The following DNAH1 variants were observed in gnomAD, a reference collection of about 807,000 sequenced individuals.
The protein encoded by DNAH1 is dynein axonemal heavy chain 1.
In DNAH1, 327 loss-of-function variants were observed where a neutral mutation model predicts 484.3. The observed-to-expected ratio is 0.68, with a 90% CI of 0.62 to 0.74. The LOEUF (loss-of-function observed/expected upper bound fraction) is 0.74, where lower values mean the gene tolerates loss of function less well. Ranked by LOEUF, DNAH1 falls within the 30% of genes least tolerant of loss-of-function variation. DNAH1 has a pLI of 0.00. For synonymous variants in DNAH1, 2,192 were observed against 2,191.9 expected (o/e 1.00, Z 0.00); for missense variants, 5,052 against 5,546.8 (o/e 0.91, Z 2.83).
chr3:52,366,433 T>C (rs759026898), intron 34 of DNAH1, 24 bp from the exon 35 acceptor site: 2 of 1,568,106 alleles, frequency 1.3e-6, no homozygotes, highest in East Asian at 2.4e-5. Flanking sequence ...CTCTGACCCT[T>C]GGGCCCCATG....
rs941364104 is a variant in DNAH1, at chr3:52,322,393, T to C, written c.-34-16T>C. ...GAGGCTGGCAAGGGCTGACTGACGC[T>C]GGGTTCTTCTCCTAGGAGCTTCGGC... On this transcript the variant is annotated splice_polypyrimidine_tract_variant and intron_variant, in intron 1 of 77. Transcript: ENST00000420323. 12 of 1,554,010 alleles carry C rather than the reference T, an allele frequency of 7.7e-6. No individual in the cohort carries two copies. Among genetic ancestry groups the C allele is most frequent in the Non-Finnish European group, 1.0e-5 (12 of 1,153,200 alleles).
chr3:52,365,837 C>T (rs1253603338), intron 34 of DNAH1, among the ~76,000 whole-genome samples: 1 of 152,212 alleles, frequency 6.6e-6, no homozygotes, highest in Non-Finnish European at 1.5e-5. Context: ...ACCTCCTGCA[C>T]CCCCGACCCT....
Position 52,396,881 on chromosome 3 carries a change from C to T in DNAH1, c.11624C>T (p.Thr3875Met), listed in dbSNP as rs754430692. The T allele has an allele frequency of 3.7e-6, 6 of 1,601,306 alleles. No homozygotes were observed. The highest frequency in any genetic ancestry group is 5.1e-6 in the Non-Finnish European group (6 of 1,171,958). Residue 3875 changes from threonine to methionine, a missense_variant, in exon 73 of 78, where the codon ACG (threonine) becomes ATG (methionine). By Grantham distance (81) the Thr-to-Met change is moderately conservative (BLOSUM62 -1). Transcript: ENST00000420323. ...DDIPYKVLKYTAGEINYGGRV... is the reference protein window; with the variant it reads ...DDIPYKVLKYMAGEINYGGRV... ...CCCACCCCATAGGTCCTCAAGTACA[C>T]GGCAGGGGAGATCAATTACGGGGGC...
intron 77 of DNAH1, 112 bp from the exon 78 acceptor site, chr3:52,400,213 C>T (rs1704848139): frequency 6.8e-7 from 1 of 1,461,484 alleles, no homozygotes; most frequent in Non-Finnish European, 9.4e-7. Flanking sequence ...CCTCTTGGGT[C>T]AGGGCCCCCT....
upstream of DNAH1, among the ~76,000 whole-genome samples, chr3:52,312,320 G>T (rs1700800589): frequency 1.3e-5 from 2 of 151,998 alleles, no homozygotes; most frequent in Admixed American, 6.6e-5. Context: ...GGGTATCTTG[G>T]GTCATATTTT....
Position 52,381,932 on chromosome 3 carries a change from C to A in DNAH1, c.7805+96C>A. 7.4e-7 allele frequency: 1 copy of A among 1,352,624 alleles called. No individual in the cohort carries two copies. 83.8% of individuals were successfully genotyped at this position (1,352,624 alleles called of 1,614,324 possible). A position where few individuals can be genotyped will look rare whatever the true frequency, so the allele number is the denominator to read the frequency against. ...TTTGCACAGTGGTAGAGGCCTCGGG[C>A]AACCCTGAAGTAGGCCCGTGCAGCC... is the stretch of plus-strand genomic sequence containing the variant. On this transcript the variant is annotated intron_variant, in intron 49 of 77. Coordinates refer to ENST00000420323, the MANE Select transcript of DNAH1 (RefSeq NM_015512.5). This position sits in a 1 kb window ranked among gnomAD's most constrained non-coding sequence, Gnocchi z 4.1.
At position 52,385,275 on chromosome 3, in the gene DNAH1, C is replaced by G. The variant is rs34827613; in HGVS notation, c.8515-62C>G. ...TCTCTCATGAATGAGGGCGGCCCAG[C>G]AGGCCCTGTGCTCTCTCTGTCCCTG... On this transcript the variant is annotated intron_variant, in intron 53 of 77. Transcript: ENST00000420323. 66,325 of 1,489,254 alleles carry G rather than the reference C, an allele frequency of 0.045. 1,669 individuals carry two copies. The highest frequency in any genetic ancestry group is 0.05 in the Non-Finnish European group (54,451 of 1,091,768). The allele number at this position is 1,489,254 out of a possible 1,614,324, so 92.3% of individuals were successfully genotyped here. A position where few individuals can be genotyped will look rare whatever the true frequency, so the allele number is the denominator to read the frequency against.
At chr3:52,378,865 C>A in intron 47 of DNAH1, 85 bp downstream of exon 47, 2 of 1,545,974 alleles carry the variant, frequency 1.3e-6, no homozygotes. Context: ...CCTTCCTGCC[C>A]AAACAGGCCC....
Position 52,353,284 on chromosome 3 carries a change from A to G in DNAH1, c.3209A>G (p.Gln1070Arg). 6.2e-7 allele frequency: 1 copy of G among 1,613,872 alleles called. No homozygotes were observed. Among genetic ancestry groups the G allele is most frequent in the East Asian group, 2.2e-5 (1 of 44,876 alleles). Residue 1070 changes from glutamine (Q) to arginine (R), a missense_variant, in exon 19 of 78, where the codon CAG becomes CGG. Gln to Arg is a conservative substitution (Grantham distance 43). Coordinates refer to ENST00000420323, the MANE Select transcript of DNAH1 (RefSeq NM_015512.5). The surrounding 1 kb of genome is among the most constrained non-coding windows in gnomAD (Gnocchi z 5.0). The part of the protein sequence containing the change: ...AFKTMHKCVK[Q>R]FKDMPACQEV... Reference sequence around the variant, plus strand: ...AAGACCATGCACAAGTGCGTGAAGCAGTTTAAGGACATGCCAGGTAGGGAG... The same window carrying G: ...AAGACCATGCACAAGTGCGTGAAGCGGTTTAAGGACATGCCAGGTAGGGAG...
At position 52,362,904 on chromosome 3, in the gene DNAH1, C is replaced by A; in HGVS notation, c.5095-91C>A. 2.6e-6 allele frequency: 4 copies of A among 1,559,940 alleles called. No individual in the cohort carries two copies. Among genetic ancestry groups the A allele is most frequent in the Non-Finnish European group, 3.5e-6 (4 of 1,144,816 alleles). ...TGGCAGGCTTGGTGCAGCAGGGAGT[C>A]CCAGCGTGTTAGGGAGGAGGGCCGG... On this transcript the variant is annotated intron_variant, in intron 31 of 77. Coordinates refer to ENST00000420323, the MANE Select transcript of DNAH1 (RefSeq NM_015512.5). The surrounding 1 kb of genome is among the most constrained non-coding windows in gnomAD (Gnocchi z 5.1).
Position 52,331,991 on chromosome 3 carries a change from A to G in DNAH1, c.1034-151A>G, listed in dbSNP as rs1701571065. On this transcript the variant is annotated intron_variant, in intron 7 of 77. Transcript: ENST00000420323. ...GATGGGCCGGGCAGGAAGTGTCGTC[A>G]TGCCCATTTCACAGATGCAACAGGG... 7.0e-6 allele frequency: 7 copies of G among 1,005,098 alleles called. No homozygotes were observed. The Admixed American group carries it at 9.9e-5, about 14-fold the overall frequency. 62.3% of individuals were successfully genotyped at this position (1,005,098 alleles called of 1,614,324 possible).
At chr3:52,313,158 G>T (rs1700848657), upstream of DNAH1, among the ~76,000 whole-genome samples, 1 of 152,218 alleles carries the variant, frequency 6.6e-6, no homozygotes, top group Non-Finnish European at 1.5e-5. Flanking sequence ...GTACTCTGCA[G>T]GAGGAGAGTG....
intron 73 of DNAH1, 122 bp downstream of exon 73, chr3:52,397,166 C>T: frequency 3.1e-6 from 3 of 956,362 alleles, no homozygotes; most frequent in East Asian, 2.6e-5. Context: ...GCTGTCTTTT[C>T]ATCAGTCAAT....
intron 3 of DNAH1, among the ~76,000 whole-genome samples, chr3:52,324,640 CT>C (rs1701269242): frequency 6.6e-6 from 1 of 152,130 alleles, no homozygotes; most frequent in Non-Finnish European, 1.5e-5. Flanking sequence ...GCCCACAGGC[CT>C]TAGAAAACAT....
chr3:52,341,571 C>G lies in DNAH1; in HGVS notation c.1287-2919C>G, dbSNP rs184915009. On this transcript the variant is annotated intron_variant, in intron 8 of 77. Transcript: ENST00000420323. Reference sequence around the variant, plus strand: ...TTTTTTTTTGAGACAGGGTCTTGCTCTGTCCCCCAGGCTAGAGTGCAGTGG... The same window carrying G: ...TTTTTTTTTGAGACAGGGTCTTGCTGTGTCCCCCAGGCTAGAGTGCAGTGG... Among the ~76,000 whole-genome samples the G allele has an allele frequency of 3.9e-3, 528 of 133,978 alleles. 3 individuals carry two copies. The highest frequency in any genetic ancestry group is 0.014 in the African/African-American group (501 of 34,798). The allele number at this position is 133,978 out of a possible 152,430, so 87.9% of individuals were successfully genotyped here.
Position 52,331,373 on chromosome 3 carries a change from G to A in DNAH1, c.1033+64G>A, listed in dbSNP as rs186457523. 2.1e-3 allele frequency: 3,173 copies of A among 1,531,312 alleles called. 12 individuals are homozygous for A. The highest frequency in any genetic ancestry group is 2.7e-3 in the Admixed American group (129 of 47,672). The allele number at this position is 1,531,312 out of a possible 1,614,324, so 94.9% of individuals were successfully genotyped here. ...TTGGGCCTGGCCGGCCTGTGACTGA[G>A]GCCAACTCCGCCCAGGGCACTGCCA... On this transcript the variant is annotated intron_variant, in intron 7 of 77. Transcript: ENST00000420323.
intron 11 of DNAH1, 47 bp downstream of exon 11, chr3:52,346,817 T>A: frequency 6.4e-7 from 1 of 1,556,890 alleles, no homozygotes; most frequent in Non-Finnish European, 8.7e-7. Context: ...AGGTGATGTG[T>A]CACCTGCTGG....
Position 52,362,572 on chromosome 3 carries a change from T to C in DNAH1, c.5094+71T>C. On this transcript the variant is annotated intron_variant, in intron 31 of 77. Transcript: ENST00000420323. The surrounding 1 kb of genome is among the most constrained non-coding windows in gnomAD (Gnocchi z 5.1). ...CTGAGTTCAGAGATGCTAAGCCACT[T>C]ATGCAAGGACACAGTTGCTTGGACT... The C allele has an allele frequency of 1.5e-6, 2 of 1,349,822 alleles. No homozygotes were observed. Among genetic ancestry groups the C allele is most frequent in the Non-Finnish European group, 2.1e-6 (2 of 965,380 alleles). The allele number at this position is 1,349,822 out of a possible 1,614,324, so 83.6% of individuals were successfully genotyped here. A position where few individuals can be genotyped will look rare whatever the true frequency, so the allele number is the denominator to read the frequency against.
intron 5 of DNAH1, among the ~76,000 whole-genome samples, chr3:52,327,410 G>A (rs990649324): frequency 5.9e-5 from 9 of 152,140 alleles, no homozygotes; most frequent in African/African-American, 1.9e-4. Context: ...CTCTCGCCTG[G>A]TGGTCCCTGT....
Sources: allele counts gnomAD v4.1 joint callset (sites outside exome capture counted in the v4.1 genomes callset), GRCh38; gene constraint gnomAD v4.1.1; non-coding constraint Gnocchi (gnomAD v3.1); transcripts MANE v1.5; gene names NCBI Gene and HGNC (gene_info 2026-07-23, HGNC 2026-07-21).